Variants in SDK1 observed in about 807,000 individuals in gnomAD.
The protein encoded by SDK1 is protein sidekick-1.
In SDK1, 157 loss-of-function variants were observed where a neutral mutation model predicts 245.5. That is an observed-to-expected ratio of 0.64 (90% confidence interval 0.56 to 0.73). The LOEUF (loss-of-function observed/expected upper bound fraction) is 0.73. Ranked by LOEUF, SDK1 falls within the 30% of genes least tolerant of loss-of-function variation. The pLI, the probability that SDK1 is intolerant of heterozygous loss-of-function variation, is 0.00. For missense variants in SDK1, 3,583 were observed against 3,002.3 expected (o/e 1.19, Z -4.52); for synonymous variants, 1,647 against 1,278.5 (o/e 1.29, Z -6.15).
Position 4,077,023 on chromosome 7 carries a change from C to G in SDK1, c.3036C>G (p.Tyr1012Ter). 1 of 1,614,028 alleles carries G rather than the reference C, an allele frequency of 6.2e-7. No individual in the cohort carries two copies. Among genetic ancestry groups the G allele is most frequent in the South Asian group, 1.1e-5 (1 of 91,080 alleles). Reference sequence around the variant, plus strand: ...GCTATCAGATCTCTTGGGAAGTGTACGGCAGGAACGACTCTCGTCTCACGC... The same window carrying G: ...GCTATCAGATCTCTTGGGAAGTGTAGGGCAGGAACGACTCTCGTCTCACGC... ...ITGYQISWEV[Y>*]GRNDSRLTHT... The change falls in exon 21 of 45, where the codon TAC becomes TAG. Residue 1012 changes from tyrosine (Y) to a stop codon, truncating the protein, a stop_gained. Coordinates refer to ENST00000404826, the MANE Select transcript of SDK1 (RefSeq NM_152744.4). LOFTEE classifies it high-confidence loss of function.
At chr7:4,068,188 C>G (rs1780021959) in intron 20 of SDK1, among the ~76,000 whole-genome samples, 1 of 152,190 alleles carries the variant, frequency 6.6e-6, no homozygotes, top group Admixed American at 6.5e-5. Flanking sequence ...CTCGCATGAT[C>G]TTAGTAGGTG....
chr7:3,549,021 C>T (rs2128622527), intron 1 of SDK1, among the ~76,000 whole-genome samples: 1 of 152,340 alleles, frequency 6.6e-6, no homozygotes, highest in East Asian at 1.9e-4. Context: ...GCCCCCCTTC[C>T]TCCTGCAGCC....
At chr7:3,568,086 G>A (rs1237619587) in intron 1 of SDK1, among the ~76,000 whole-genome samples, 1 of 152,154 alleles carries the variant, frequency 6.6e-6, no homozygotes, top group Non-Finnish European at 1.5e-5. Context: ...CTCACAAAGT[G>A]CTGGGATTAC....
At position 3,301,564 on chromosome 7, in the gene SDK1, G is replaced by C; in HGVS notation, c.-23G>C. On this transcript the variant is annotated 5_prime_UTR_variant, in exon 1 of 45. Transcript: ENST00000404826. ...TGCCCGCCCGTCCGTCCGGCGCGGCGCTCGGGGTGGCGGCTGCTCGGCATG... is the reference window on the plus strand; with the variant it reads ...TGCCCGCCCGTCCGTCCGGCGCGGCCCTCGGGGTGGCGGCTGCTCGGCATG... 1 of 899,672 alleles carries C rather than the reference G, an allele frequency of 1.1e-6. No individual in the cohort carries two copies. Among genetic ancestry groups the C allele is most frequent in the South Asian group, 5.0e-5 (1 of 19,962 alleles). 55.7% of individuals were successfully genotyped at this position (899,672 alleles called of 1,614,324 possible). A position where few individuals can be genotyped will look rare whatever the true frequency, so the allele number is the denominator to read the frequency against.
At chr7:4,118,991 T>C (rs1783898258) in intron 25 of SDK1, among the ~76,000 whole-genome samples, 1 of 148,580 alleles carries the variant, frequency 6.7e-6, no homozygotes, top group Non-Finnish European at 1.5e-5. Context: ...TGATGAGATG[T>C]TCCAAAGTTC....
At chr7:3,821,957 A>G (rs1412008779) in intron 5 of SDK1, among the ~76,000 whole-genome samples, 1 of 152,230 alleles carries the variant, frequency 6.6e-6, no homozygotes, top group African/African-American at 2.4e-5. Flanking sequence ...TATTCTTTTA[A>G]TCTAACAGGA....
intron 4 of SDK1, among the ~76,000 whole-genome samples, chr7:3,819,813 G>T (rs1700383111): frequency 6.6e-6 from 1 of 152,238 alleles, no homozygotes; most frequent in African/African-American, 2.4e-5. Flanking sequence ...TTTATATAAT[G>T]TGTAAAAATC....
intron 1 of SDK1, among the ~76,000 whole-genome samples, chr7:3,553,933 G>A (rs13221445): frequency 0.066 from 10,084 of 152,208 alleles, 410 homozygotes; most frequent in East Asian, 0.16. Flanking sequence ...ATCAGAACCA[G>A]ACAAATGAAG....
intron 22 of SDK1, among the ~76,000 whole-genome samples, chr7:4,081,264 C>A (rs1325922664): frequency 1.3e-5 from 2 of 152,124 alleles, no homozygotes; most frequent in Non-Finnish European, 2.9e-5. Flanking sequence ...TGTTCCGTTG[C>A]CCAGAACTTG....
At chr7:4,086,490 C>T (rs1189610916) in intron 22 of SDK1, among the ~76,000 whole-genome samples, 2 of 152,122 alleles carry the variant, frequency 1.3e-5, no homozygotes, top group Non-Finnish European at 2.9e-5. Flanking sequence ...ACTGAGGTCC[C>T]CATACTGTGC....
At chr7:3,794,424 G>C (rs1051318205) in intron 4 of SDK1, among the ~76,000 whole-genome samples, 8 of 152,172 alleles carry the variant, frequency 5.3e-5, no homozygotes, top group Non-Finnish European at 1.0e-4. Flanking sequence ...TATTCCCTCT[G>C]AATCTGATGT....
intron 1 of SDK1, among the ~76,000 whole-genome samples, chr7:3,366,797 A>C (rs914989611): frequency 6.6e-6 from 1 of 152,012 alleles, no homozygotes; most frequent in Non-Finnish European, 1.5e-5. Context: ...GTTGGAGTGC[A>C]GTGGCGTGAT....
At chr7:3,713,706 G>T (rs1326435081) in intron 4 of SDK1, among the ~76,000 whole-genome samples, 1 of 152,146 alleles carries the variant, frequency 6.6e-6, no homozygotes, top group Non-Finnish European at 1.5e-5. Context: ...ATAGAACCTG[G>T]ACTAGAGATT....
At chr7:3,744,605 A>G (rs778439111) in intron 4 of SDK1, among the ~76,000 whole-genome samples, 4 of 152,136 alleles carry the variant, frequency 2.6e-5, no homozygotes, top group Non-Finnish European at 5.9e-5. Flanking sequence ...AAGTCAGGAG[A>G]TCGAGACCAT....
At chr7:3,823,968 T>C (rs548525285) in intron 5 of SDK1, among the ~76,000 whole-genome samples, 135 of 152,086 alleles carry the variant, frequency 8.9e-4, no homozygotes, top group African/African-American at 3.1e-3. Context: ...TTTTTTTGTT[T>C]TTTTTTCTGC....
intron 4 of SDK1, among the ~76,000 whole-genome samples, chr7:3,653,550 G>C (rs564957979): frequency 7.2e-5 from 11 of 152,168 alleles, no homozygotes; most frequent in Non-Finnish European, 1.3e-4. Flanking sequence ...GGAGAAGCCA[G>C]TGGAGGAAGG....
intron 1 of SDK1, among the ~76,000 whole-genome samples, chr7:3,570,897 T>G (rs1352816236): frequency 6.7e-6 from 1 of 150,050 alleles, no homozygotes; most frequent in Non-Finnish European, 1.5e-5. Flanking sequence ...TTACTTTTCA[T>G]GCATGCTTCT....
intron 17 of SDK1, among the ~76,000 whole-genome samples, chr7:4,037,086 C>G (rs113577061): frequency 6.6e-6 from 1 of 152,122 alleles, no homozygotes; most frequent in Non-Finnish European, 1.5e-5. Context: ...ATGCATTGTT[C>G]ATAGATTCTT....
chr7:3,310,593 G>A (rs1472226999), intron 1 of SDK1, among the ~76,000 whole-genome samples: 1 of 152,184 alleles, frequency 6.6e-6, no homozygotes, highest in Non-Finnish European at 1.5e-5. Context: ...ACCATTCACT[G>A]AGGTTGGACC....
Sources: allele counts gnomAD v4.1 joint callset (sites outside exome capture counted in the v4.1 genomes callset), GRCh38; gene constraint gnomAD v4.1.1; transcripts MANE v1.5; gene names NCBI Gene and HGNC (gene_info 2026-07-23, HGNC 2026-07-21).